FRMD4A: variants seen among roughly 807,000 people sequenced by gnomAD.
FRMD4A encodes the protein FERM domain containing 4A.
In FRMD4A, 29 loss-of-function variants were observed where a neutral mutation model predicts 129.1. The ratio of observed to expected loss-of-function variants is 0.22; its 90% CI spans 0.17 to 0.31. FRMD4A has a LOEUF of 0.31. Among genes scored for constraint, FRMD4A ranks in the 10% least tolerant of loss-of-function variants. The pLI is 1.00. For missense variants in FRMD4A, 1,272 were observed against 1,375.8 expected, an observed-to-expected ratio of 0.92 and a Z score of 1.19; for synonymous variants, 634 against 571.6, an observed-to-expected ratio of 1.11 and a Z score of -1.56.
chr10:14,227,243 C>CTTTTTTTTTTTTTTTTTTTTTTTTTT lies in FRMD4A; in HGVS notation c.45+102789_45+102814dup, dbSNP rs10674411. ...TCCTCCTCCTCCTTCTCTTCTTCTT[C>CTTTTTTTTTTTTTTTTTTTTTTTTTT]TTTTTTTTTTTTTTTTTTTTTTTTT... On this transcript the variant is annotated intron_variant, in intron 2 of 24. Transcript: ENST00000357447. Among the ~76,000 whole-genome samples the CTTTTTTTTTTTTTTTTTTTTTTTTTT allele has an allele frequency of 6.2e-5, 4 of 64,130 alleles. 2 individuals carry two copies. Among genetic ancestry groups the CTTTTTTTTTTTTTTTTTTTTTTTTTT allele is most frequent in the African/African-American group, 2.5e-4 (4 of 16,020 alleles). The allele number at this position is 64,130 out of a possible 152,430, so 42.1% of individuals were successfully genotyped here.
chr10:13,885,635 G>A (rs979145005), intron 2 of FRMD4A, among the ~76,000 whole-genome samples: 1 of 152,206 alleles, frequency 6.6e-6, no homozygotes, highest in Admixed American at 6.5e-5. Context: ...CACGTGGTTT[G>A]TAGACTGCAC....
At chr10:14,115,050 C>A (rs1255128701) in intron 2 of FRMD4A, among the ~76,000 whole-genome samples, 1 of 152,154 alleles carries the variant, frequency 6.6e-6, no homozygotes, top group Non-Finnish European at 1.5e-5. Flanking sequence ...ACTCCCCCAC[C>A]CACCAAGCAA....
intron 2 of FRMD4A, among the ~76,000 whole-genome samples, chr10:14,097,937 TAC>T (rs1214192003): frequency 1.4e-5 from 2 of 145,866 alleles, no homozygotes; most frequent in Admixed American, 7.0e-5. Context: ...AATTGTATAT[TAC>T]ATATATTATA....
intron 2 of FRMD4A, among the ~76,000 whole-genome samples, chr10:14,119,192 C>T (rs569460595): frequency 1.1e-4 from 17 of 152,248 alleles, no homozygotes; most frequent in Admixed American, 4.6e-4. Flanking sequence ...GACTCATTTC[C>T]GTCCCTGCTG....
intron 4 of FRMD4A, among the ~76,000 whole-genome samples, chr10:13,799,103 T>C (rs1443787521): frequency 6.6e-6 from 1 of 152,196 alleles, no homozygotes; most frequent in East Asian, 1.9e-4. Flanking sequence ...TTTCTGCACT[T>C]CCCAGTCTAC....
intron 6 of FRMD4A, among the ~76,000 whole-genome samples, chr10:13,775,506 A>G (rs1032623236): frequency 6.6e-6 from 1 of 152,364 alleles, no homozygotes; most frequent in African/African-American, 2.4e-5. Context: ...CAGATATGCC[A>G]GTATCCAAAC....
intron 2 of FRMD4A, among the ~76,000 whole-genome samples, chr10:13,972,538 T>G (rs889351938): frequency 4.0e-5 from 6 of 148,206 alleles, no homozygotes; most frequent in South Asian, 2.1e-4. Context: ...ACCTATCCCG[T>G]TTTTTTTTTC....
intron 2 of FRMD4A, among the ~76,000 whole-genome samples, chr10:14,176,624 AC>A (rs1841739188): frequency 6.6e-6 from 1 of 151,696 alleles, no homozygotes; most frequent in East Asian, 1.9e-4. Flanking sequence ...ATAGGCACGC[AC>A]CACCACTCCC....
At chr10:13,792,479 G>A (rs1273464942) in intron 5 of FRMD4A, among the ~76,000 whole-genome samples, 2 of 152,090 alleles carry the variant, frequency 1.3e-5, no homozygotes, top group Admixed American at 1.3e-4. Flanking sequence ...CACAAGGATT[G>A]GAGTCAGACC....
chr10:13,720,661 A>G, intron 12 of FRMD4A, among the ~76,000 whole-genome samples: 1 of 152,198 alleles, frequency 6.6e-6, no homozygotes, highest in Non-Finnish European at 1.5e-5. Context: ...GGAACCAGGG[A>G]AGGATAGGAC....
rs373662951 is a variant in FRMD4A at position 13,939,077 on chromosome 10, T to C, written c.46-80165A>G. ...TCTGAAAAGTCAATAGTACCAAGAT[T>C]GAGAAACCCGAGGGTTAAGAGGAAG... On this transcript the variant is annotated intron_variant, in intron 2 of 24. Transcript: ENST00000357447. Among the ~76,000 whole-genome samples, 4 of 152,208 alleles carry C rather than the reference T, an allele frequency of 2.6e-5. No homozygotes were observed. In the South Asian group the frequency reaches 8.3e-4, roughly 32 times the overall value.
intron 3 of FRMD4A, among the ~76,000 whole-genome samples, chr10:13,841,785 C>A (rs193023211): frequency 3.0e-4 from 45 of 152,224 alleles, no homozygotes; most frequent in Middle Eastern, 3.4e-3. Flanking sequence ...GGAGTTCTGG[C>A]AAGTCATTCT....
intron 2 of FRMD4A, among the ~76,000 whole-genome samples, chr10:13,944,010 C>G (rs1588462135): frequency 6.6e-6 from 1 of 152,164 alleles, no homozygotes; most frequent in African/African-American, 2.4e-5. Flanking sequence ...TCAGAGACAA[C>G]AGAATTAAAG....
rs1039109823 is a variant in FRMD4A, at chr10:13,664,940, T to C, written c.1603+1157A>G. On this transcript the variant is annotated intron_variant, in intron 18 of 24. Coordinates refer to ENST00000357447, the MANE Select transcript of FRMD4A (RefSeq NM_018027.5). ...TCTTGTTGCCCAGGCTGGAGTGCAA[T>C]GTCGCAATCTCAGCTCACTGCAACC... Among the ~76,000 whole-genome samples, 6 of 152,212 alleles carry C rather than the reference T, an allele frequency of 3.9e-5. 1 individual carries two copies. The highest frequency in any genetic ancestry group is 1.3e-4 in the Admixed American group (2 of 15,278).
At chr10:14,263,523 A>G (rs1430376473) in intron 2 of FRMD4A, among the ~76,000 whole-genome samples, 2 of 152,056 alleles carry the variant, frequency 1.3e-5, no homozygotes, top group African/African-American at 2.4e-5. Context: ...TTCACCCCTC[A>G]CTAGAAAGTT....
chr10:14,132,183 G>T (rs1023193796), intron 2 of FRMD4A, among the ~76,000 whole-genome samples: 2 of 152,184 alleles, frequency 1.3e-5, no homozygotes, highest in Non-Finnish European at 2.9e-5. Flanking sequence ...AGCTACTTGG[G>T]AGGCTGAGGC....
At chr10:14,114,042 C>T (rs577011388) in intron 2 of FRMD4A, among the ~76,000 whole-genome samples, 18 of 152,326 alleles carry the variant, frequency 1.2e-4, no homozygotes, top group African/African-American at 3.8e-4. Flanking sequence ...GGGGTGCCTT[C>T]AAAGGCTCAA....
intron 21 of FRMD4A, among the ~76,000 whole-genome samples, chr10:13,659,006 C>T (rs528626896): frequency 6.6e-6 from 1 of 152,156 alleles, no homozygotes; most frequent in South Asian, 2.1e-4. Context: ...AAATTTAGGC[C>T]TCAGTAGAAA....
At chr10:14,285,045 C>T (rs1194084968) in intron 2 of FRMD4A, among the ~76,000 whole-genome samples, 2 of 152,226 alleles carry the variant, frequency 1.3e-5, no homozygotes, top group African/African-American at 4.8e-5. Context: ...TGAAGGAACA[C>T]TTTCAACGTG....
Sources: allele counts gnomAD v4.1 joint callset (sites outside exome capture counted in the v4.1 genomes callset), GRCh38; gene constraint gnomAD v4.1.1; transcripts MANE v1.5; gene names NCBI Gene and HGNC (gene_info 2026-07-23, HGNC 2026-07-21).